OXR1: variants seen among roughly 807,000 people sequenced by gnomAD.
The protein encoded by OXR1 is oxidation resistance 1.
Under a neutral mutation model 104.6 loss-of-function variants are expected in OXR1, and 41 were observed. The ratio of observed to expected loss-of-function variants is 0.39; its 90% confidence interval spans 0.31 to 0.51. OXR1 has a LOEUF of 0.51. OXR1 is among the 20% of genes least tolerant of loss of function. The probability of loss-of-function intolerance (pLI) is 0.77; values close to 1 mark genes in which losing one functional copy is unlikely to be tolerated. For synonymous variants in OXR1, 348 were observed against 348.4 expected, an observed-to-expected ratio of 1.00 and a Z score of 0.01; for missense variants, 955 against 1,031.9, an observed-to-expected ratio of 0.93 and a Z score of 1.02.
chr8:106,589,045 G>C (rs1028315561), intron 3 of OXR1, among the ~76,000 whole-genome samples: 3 of 124,088 alleles, frequency 2.4e-5, no homozygotes, highest in Non-Finnish European at 5.0e-5. Flanking sequence ...AGAGGTGCAG[G>C]CTCCTTCCTG....
At chr8:106,504,297 C>T (rs1192130182) in intron 2 of OXR1, among the ~76,000 whole-genome samples, 1 of 152,158 alleles carries the variant, frequency 6.6e-6, no homozygotes, top group African/African-American at 2.4e-5. Context: ...CAGAGGAGCA[C>T]CCTTGAAACT....
chr8:106,691,219 G>C (rs903567307), intron 6 of OXR1, among the ~76,000 whole-genome samples: 12 of 151,734 alleles, frequency 7.9e-5, no homozygotes, highest in African/African-American at 2.9e-4. Context: ...TATTTTTAAG[G>C]ACCTTCTCTG....
intron 1 of OXR1, among the ~76,000 whole-genome samples, chr8:106,288,601 ACT>A (rs1380551051): frequency 1.6e-4 from 24 of 148,118 alleles, no homozygotes; most frequent in South Asian, 4.2e-4. Context: ...CCATATATAT[ACT>A]CTCTATATAT....
rs761779042 is a variant in OXR1 at position 106,706,607 on chromosome 8, T to G, written c.1086T>G (p.Ser362=). 1 of 1,613,076 alleles carries G rather than the reference T, an allele frequency of 6.2e-7. No homozygotes were observed. The highest frequency in any genetic ancestry group is 8.5e-7 in the Non-Finnish European group (1 of 1,179,754). ...CAGATGAACTGCGACAAGATAAATC[T>G]TCTGGTGCGTCATCAGAATCTGTGC... ...VSSDELRQDK[S]SGASSESVQT... The change falls in exon 9 of 17, where the codon TCT becomes TCG. Residue 362 remains serine (S), a synonymous_variant. Coordinates refer to ENST00000517566, the MANE Select transcript of OXR1 (RefSeq NM_001198533.2).
chr8:106,330,644 T>C (rs1275046614), intron 1 of OXR1, among the ~76,000 whole-genome samples: 5 of 152,346 alleles, frequency 3.3e-5, no homozygotes, highest in Middle Eastern at 6.8e-3. Context: ...TAAGAACTTC[T>C]TCTAGATTAT....
intron 3 of OXR1, among the ~76,000 whole-genome samples, chr8:106,558,254 A>G (rs1448345799): frequency 6.6e-6 from 1 of 152,190 alleles, no homozygotes; most frequent in Non-Finnish European, 1.5e-5. Flanking sequence ...GCCTTTTCGT[A>G]TTGCTATGTA....
At chr8:106,570,918 A>G (rs1817426533) in intron 3 of OXR1, among the ~76,000 whole-genome samples, 1 of 152,154 alleles carries the variant, frequency 6.6e-6, no homozygotes, top group African/African-American at 2.4e-5. Context: ...ACCCTAGAGC[A>G]CTTGCCCATT....
intron 3 of OXR1, among the ~76,000 whole-genome samples, chr8:106,616,127 C>T (rs1339328671): frequency 6.7e-6 from 1 of 149,452 alleles, no homozygotes; most frequent in Non-Finnish European, 1.5e-5. Context: ...CTGCAAGCTC[C>T]GCCTCCCAGG....
intron 3 of OXR1, among the ~76,000 whole-genome samples, chr8:106,672,442 G>A (rs186656837): frequency 2.2e-4 from 34 of 151,714 alleles, no homozygotes; most frequent in Admixed American, 9.2e-4. Context: ...AGCCAAGATC[G>A]TGCCACTGTA....
intron 2 of OXR1, among the ~76,000 whole-genome samples, chr8:106,453,017 C>T (rs1331675041): frequency 1.3e-5 from 2 of 152,156 alleles, no homozygotes; most frequent in Non-Finnish European, 2.9e-5. Context: ...TGCTCTTTCT[C>T]ACCTCTTTGT....
chr8:106,569,184 T>G (rs1032490900), intron 3 of OXR1, among the ~76,000 whole-genome samples: 1 of 152,140 alleles, frequency 6.6e-6, no homozygotes, highest in African/African-American at 2.4e-5. Context: ...CTTGTCAGGC[T>G]TTCTGTGTTT....
At position 106,338,106 on chromosome 8, in the gene OXR1, A is replaced by G. The variant is rs546178085; in HGVS notation, c.-138-21370A>G. 3.3e-5 allele frequency among the ~76,000 whole-genome samples: 5 copies of G among 152,312 alleles called. No individual in the cohort carries two copies. In the South Asian group the frequency reaches 1.0e-3, roughly 32 times the overall value. ...GACTGAGCTCCTGTTCTGGGCCCCAACAAACCAGACCAAACCAAAATGGAG... is the reference window on the plus strand; with the variant it reads ...GACTGAGCTCCTGTTCTGGGCCCCAGCAAACCAGACCAAACCAAAATGGAG... On this transcript the variant is annotated intron_variant, in intron 1 of 16. Coordinates refer to ENST00000517566, the MANE Select transcript of OXR1 (RefSeq NM_001198533.2).
chr8:106,437,223 G>T (rs914809243), intron 2 of OXR1, among the ~76,000 whole-genome samples: 1 of 152,092 alleles, frequency 6.6e-6, no homozygotes, highest in Admixed American at 6.6e-5. Context: ...CAGCATACTT[G>T]TGGTTAATCT....
intron 3 of OXR1, among the ~76,000 whole-genome samples, chr8:106,676,861 A>G (rs1388326724): frequency 6.6e-6 from 1 of 152,072 alleles, no homozygotes; most frequent in Admixed American, 6.6e-5. Context: ...ATATGTAATT[A>G]TTGCATAATA....
chr8:106,410,249 A>G (rs540762198), intron 2 of OXR1, among the ~76,000 whole-genome samples: 1 of 152,262 alleles, frequency 6.6e-6, no homozygotes, highest in East Asian at 1.9e-4. Flanking sequence ...TTTGGCTTTG[A>G]TATTTCATTT....
rs147068135 is a variant in OXR1, at chr8:106,503,333, C to T, written c.24-15610C>T. Among the ~76,000 whole-genome samples the T allele has an allele frequency of 5.6e-4, 85 of 152,204 alleles. No homozygotes were observed. In the East Asian group the frequency reaches 0.015, roughly 27 times the overall value. ...TATTTCAGCTAAAACTGAGAAGGTA[C>T]CTTTTACTCCCTCATTTCAAAATGA... is the stretch of plus-strand genomic sequence containing the variant. On this transcript the variant is annotated intron_variant, in intron 2 of 16. Coordinates refer to ENST00000517566, the MANE Select transcript of OXR1 (RefSeq NM_001198533.2).
At chr8:106,574,820 A>C (rs754975526) in intron 3 of OXR1, among the ~76,000 whole-genome samples, 1 of 152,256 alleles carries the variant, frequency 6.6e-6, no homozygotes, top group Non-Finnish European at 1.5e-5. Flanking sequence ...CATGTAAAAA[A>C]TTATAACATG....
chr8:106,494,209 G>A lies in OXR1; in HGVS notation c.24-24734G>A, dbSNP rs187442642. Among the ~76,000 whole-genome samples the A allele has an allele frequency of 2.0e-4, 31 of 152,196 alleles. No individual in the cohort carries two copies. In the East Asian group the frequency reaches 5.8e-3, roughly 28 times the overall value. On this transcript the variant is annotated intron_variant, in intron 2 of 16. Coordinates refer to ENST00000517566, the MANE Select transcript of OXR1 (RefSeq NM_001198533.2). Reference sequence around the variant, plus strand: ...CACCCCTACCTGCCCCCTTCTACAGGCTTTTTCTTGCCAGATAATTCATTG... The same window carrying A: ...CACCCCTACCTGCCCCCTTCTACAGACTTTTTCTTGCCAGATAATTCATTG...
At chr8:106,636,018 T>C (rs1054361082) in intron 3 of OXR1, among the ~76,000 whole-genome samples, 3 of 152,206 alleles carry the variant, frequency 2.0e-5, no homozygotes, top group African/African-American at 7.2e-5. Flanking sequence ...GTTATGATTT[T>C]CTTAAAAAGC....
Sources: gnomAD v4.1 joint callset for allele counts (sites outside exome capture counted in the v4.1 genomes callset) on GRCh38, gnomAD v4.1.1 for gene constraint, MANE v1.5 for transcripts, NCBI Gene and HGNC (gene_info 2026-07-23, HGNC 2026-07-21) for gene names.